MGST1: variants seen among roughly 807,000 people sequenced by gnomAD.
The protein encoded by MGST1 is glutathione S-transferase 12.
Under a neutral mutation model 8.9 loss-of-function variants are expected in MGST1, and 5 were observed. The observed-to-expected ratio is 0.56, with a 90% CI of 0.29 to 1.19. The LOEUF (loss-of-function observed/expected upper bound fraction) is 1.19. Among genes scored for constraint, MGST1 ranks in the 50% most tolerant of loss-of-function variants. The pLI, the probability that MGST1 is intolerant of heterozygous loss-of-function variation, is 0.08. For missense variants in MGST1, 182 were observed against 187.4 expected (o/e 0.97, Z 0.17); for synonymous variants, 54 against 67.8 (o/e 0.80, Z 1.00).
intron 4 of MGST1, chr12:16,514,207 T>C: frequency 3.2e-6 from 1 of 309,244 alleles, no homozygotes; most frequent in East Asian, 9.0e-5. Flanking sequence ...CTGCCAATCA[T>C]ACACCAAGAA....
At chr12:16,504,654 C>T (rs1474901069) in intron 4 of MGST1, among the ~76,000 whole-genome samples, 1 of 152,112 alleles carries the variant, frequency 6.6e-6, no homozygotes, top group Non-Finnish European at 1.5e-5. Context: ...GTCAGAATTT[C>T]CTAATAGGTA....
At chr12:16,506,011 TA>T (rs1941536020) in intron 4 of MGST1, among the ~76,000 whole-genome samples, 1 of 152,206 alleles carries the variant, frequency 6.6e-6, no homozygotes, top group African/African-American at 2.4e-5. Flanking sequence ...ATTTTTTAAG[TA>T]AAATCTCTTA....
intron 1 of MGST1, among the ~76,000 whole-genome samples, chr12:16,433,546 G>A (rs1940957447): frequency 6.6e-6 from 1 of 152,072 alleles, no homozygotes; most frequent in African/African-American, 2.4e-5. Flanking sequence ...CTTATTCAGA[G>A]GAGTATAAGC....
intron 4 of MGST1, among the ~76,000 whole-genome samples, chr12:16,454,641 T>G (rs1941155407): frequency 6.6e-6 from 1 of 151,860 alleles, no homozygotes; most frequent in Admixed American, 6.6e-5. Flanking sequence ...ACAAGCTGTT[T>G]CACATATTTC....
At chr12:16,440,246 T>TACACACAC (rs55778046), downstream of MGST1, among the ~76,000 whole-genome samples, 13 of 148,950 alleles carry the variant, frequency 8.7e-5, no homozygotes, top group East Asian at 1.2e-3. Flanking sequence ...AATGTGTGTG[T>TACACACAC]ACACACACAC....
intron 1 of MGST1, among the ~76,000 whole-genome samples, chr12:16,422,832 C>T (rs1196008484): frequency 1.3e-5 from 2 of 152,150 alleles, no homozygotes; most frequent in Admixed American, 6.5e-5. Context: ...TGTATATGAG[C>T]TCCAGGTACT....
chr12:16,557,134 C>A (rs960420699), intron 4 of MGST1, among the ~76,000 whole-genome samples: 2 of 152,094 alleles, frequency 1.3e-5, no homozygotes, highest in Non-Finnish European at 2.9e-5. Context: ...TAACAACCTA[C>A]AATTACTTTG....
At position 16,375,997 on chromosome 12, in the gene MGST1, C is replaced by A. The variant is rs1040360581; in HGVS notation, c.222-125C>A. The A allele has an allele frequency of 4.2e-5, 22 of 524,922 alleles. No homozygotes were observed. The Admixed American group carries it at 6.1e-4, about 15-fold the overall frequency. The allele number at this position is 524,922 out of a possible 1,614,324, so 32.5% of individuals were successfully genotyped here. The stretch of plus-strand genomic sequence containing the variant: ...GCTCATAAGATATATACACACACAA[C>A]ACCCACACACCTATATGTACACACA... On this transcript the variant is annotated intron_variant, in intron 3 of 3. Coordinates refer to the MGST1 transcript ENST00000535309.
intron 4 of MGST1, among the ~76,000 whole-genome samples, chr12:16,572,307 T>G (rs1942839606): frequency 6.6e-6 from 1 of 151,244 alleles, no homozygotes; most frequent in Non-Finnish European, 1.5e-5. Context: ...TTCATAAACA[T>G]TCTCTATGTT....
chr12:16,347,964 A>T lies in MGST1; in HGVS notation c.-23+254A>T, dbSNP rs1939276164. The T allele has an allele frequency of 6.6e-6, 1 of 152,198 alleles. No homozygotes were observed. 9.4% of individuals were successfully genotyped at this position (152,198 alleles called of 1,614,324 possible). A position where few individuals can be genotyped will look rare whatever the true frequency, so the allele number is the denominator to read the frequency against. On this transcript the variant is annotated intron_variant, in intron 1 of 3. Coordinates refer to ENST00000396210, the MANE Select transcript of MGST1 (RefSeq NM_020300.5). This position sits in a 1 kb window ranked among gnomAD's most constrained non-coding sequence, Gnocchi z 4.0. Reference sequence around the variant, plus strand: ...AGAGTCTTTTCATGCTTGAGTGATGATTTCCAAACTTAGCCTTTTCAAGTC... The same window carrying T: ...AGAGTCTTTTCATGCTTGAGTGATGTTTTCCAAACTTAGCCTTTTCAAGTC...
chr12:16,383,453 T>C (rs1465169308), exon 1 of MGST1: 1 of 152,196 alleles, frequency 6.6e-6, no homozygotes, highest in Non-Finnish European at 1.5e-5. Context: ...TCTTTTTCTT[T>C]TCTTTTCTTT....
intron 4 of MGST1, among the ~76,000 whole-genome samples, chr12:16,581,540 C>A (rs562898970): frequency 6.6e-6 from 1 of 152,258 alleles, no homozygotes; most frequent in South Asian, 2.1e-4. Flanking sequence ...TATAACACTA[C>A]CCATTATAGA....
At chr12:16,489,093 G>A (rs543536626) in intron 4 of MGST1, among the ~76,000 whole-genome samples, 2 of 151,992 alleles carry the variant, frequency 1.3e-5, no homozygotes, top group Non-Finnish European at 2.9e-5. Context: ...CTGGGTGACA[G>A]AGCAAGATCA....
At chr12:16,498,775 T>C (rs1259358223) in intron 4 of MGST1, among the ~76,000 whole-genome samples, 1 of 152,178 alleles carries the variant, frequency 6.6e-6, no homozygotes, top group African/African-American at 2.4e-5. Context: ...GGGTAGCTCA[T>C]GCACCAACTA....
At chr12:16,564,118 AT>A (rs1187877549) in intron 4 of MGST1, among the ~76,000 whole-genome samples, 1 of 152,010 alleles carries the variant, frequency 6.6e-6, no homozygotes, top group Non-Finnish European at 1.5e-5. Context: ...TTTCTATTCC[AT>A]TTTTTTGCTT....
At chr12:16,571,338 A>G (rs1344937074) in intron 4 of MGST1, among the ~76,000 whole-genome samples, 1 of 152,060 alleles carries the variant, frequency 6.6e-6, no homozygotes, top group Non-Finnish European at 1.5e-5. Flanking sequence ...AGCATATTCT[A>G]TTTGGTCACT....
chr12:16,400,077 C>T, intron 1 of MGST1: 1 of 1,581,004 alleles, frequency 6.3e-7, no homozygotes, highest in Middle Eastern at 1.8e-4. Flanking sequence ...CTACTTTCTC[C>T]ATGAAATTCT....
chr12:16,527,294 T>G (rs959946384), intron 4 of MGST1, among the ~76,000 whole-genome samples: 3 of 152,040 alleles, frequency 2.0e-5, no homozygotes, highest in Non-Finnish European at 4.4e-5. Flanking sequence ...AATCCACAAT[T>G]TCACAATGAG....
At chr12:16,355,691 T>G (rs1045328101) in intron 2 of MGST1, among the ~76,000 whole-genome samples, 15 of 152,178 alleles carry the variant, frequency 9.9e-5, no homozygotes, top group Admixed American at 5.2e-4. Context: ...AATTCAAATT[T>G]GGAGAGTGCC....
Sources: gnomAD v4.1 joint callset for allele counts (sites outside exome capture counted in the v4.1 genomes callset) on GRCh38, gnomAD v4.1.1 for gene constraint, Gnocchi (gnomAD v3.1) non-coding constraint, MANE v1.5 for transcripts, NCBI Gene and HGNC (gene_info 2026-07-23, HGNC 2026-07-21) for gene names.